ST8SIA5: variants seen among roughly 807,000 people sequenced by gnomAD.
ST8SIA5 encodes the protein alpha-2,8-sialyltransferase 8E.
In ST8SIA5, 24 loss-of-function variants were observed where a neutral mutation model predicts 40.2. That is an observed-to-expected ratio of 0.60 (90% CI 0.43 to 0.84). ST8SIA5 has a LOEUF of 0.84. Ranked by LOEUF, ST8SIA5 falls within the 40% of genes least tolerant of loss-of-function variation. The pLI is 0.00. For synonymous variants in ST8SIA5, 198 were observed against 201.8 expected (o/e 0.98, Z 0.16); for missense variants, 465 against 498.5 (o/e 0.93, Z 0.64).
At chr18:46,739,829 G>C (rs1357910991) in intron 1 of ST8SIA5, among the ~76,000 whole-genome samples, 1 of 152,144 alleles carries the variant, frequency 6.6e-6, no homozygotes, top group African/African-American at 2.4e-5. Flanking sequence ...GAGCCACCTT[G>C]CTCAAGGTTA....
At position 46,682,058 on chromosome 18, in the gene ST8SIA5, G is replaced by C; in HGVS notation, c.576C>G (p.Asn192Lys). 1.2e-6 allele frequency: 2 copies of C among 1,607,016 alleles called. No individual in the cohort carries two copies. Among genetic ancestry groups the C allele is most frequent in the Non-Finnish European group, 1.7e-6 (2 of 1,177,144 alleles). ...INSADFVFRC[N>K]LPPISEKYTM... ...TGTACTTCTCTGAGATGGGGGGCAG[G>C]TTGCACCTGCAGAAGAGAAAAGGCA... Residue 192 changes from asparagine to lysine, a missense_variant, in exon 6 of 7, where the codon AAC (asparagine) becomes AAG (lysine). By Grantham distance (94) the Asn-to-Lys change is moderately conservative (BLOSUM62 0). Transcript: ENST00000315087.
chr18:46,709,287 C>T (rs955804526), intron 1 of ST8SIA5, among the ~76,000 whole-genome samples: 3 of 152,224 alleles, frequency 2.0e-5, no homozygotes, highest in African/African-American at 7.2e-5. Flanking sequence ...TGCCTTTCCA[C>T]CATGTGAGGA....
In ST8SIA5 at chr18:46,675,580, T is replaced by A. The variant is rs988696920; in HGVS notation, c.*4462A>T. On this transcript the variant is annotated 3_prime_UTR_variant, in exon 7 of 7. Coordinates refer to ENST00000315087, the MANE Select transcript of ST8SIA5 (RefSeq NM_013305.6). ...GGGGTTAAGATGCCAGGGCAGAAGATACTTAAGGCTTTGAATAGATGAGAT... is the reference window on the plus strand; with the variant it reads ...GGGGTTAAGATGCCAGGGCAGAAGAAACTTAAGGCTTTGAATAGATGAGAT... 2 of 152,104 alleles carry A rather than the reference T, an allele frequency of 1.3e-5. No individual in the cohort carries two copies. The highest frequency in any genetic ancestry group is 2.9e-5 in the Non-Finnish European group (2 of 68,036). The allele number at this position is 152,104 out of a possible 1,614,324, so 9.4% of individuals were successfully genotyped here.
At chr18:46,683,171 C>T (rs187977048) in intron 5 of ST8SIA5, among the ~76,000 whole-genome samples, 2 of 152,172 alleles carry the variant, frequency 1.3e-5, no homozygotes, top group African/African-American at 4.8e-5. Context: ...TTCAAGGTAG[C>T]GATACCTTCA....
In ST8SIA5 at chr18:46,671,459, G is replaced by A. The variant is rs965258802; in HGVS notation, c.*8583C>T. 1 of 152,360 alleles carries A rather than the reference G, an allele frequency of 6.6e-6. No homozygotes were observed. Among genetic ancestry groups the A allele is most frequent in the Non-Finnish European group, 1.5e-5 (1 of 68,206 alleles). The allele number at this position is 152,360 out of a possible 1,614,324, so 9.4% of individuals were successfully genotyped here. ...AGATGTGGAGGTGGGCAGAGGGCTG[G>A]GTCTGCATCAGAAAACCAGGCTTTC... On this transcript the variant is annotated 3_prime_UTR_variant, in exon 7 of 7. Transcript: ENST00000315087.
chr18:46,724,415 G>A (rs1238196144), intron 1 of ST8SIA5, among the ~76,000 whole-genome samples: 3 of 152,264 alleles, frequency 2.0e-5, no homozygotes, highest in African/African-American at 4.8e-5. Context: ...ACAGGGCAGA[G>A]GCCGAAGCCA....
At chr18:46,751,629 T>C (rs2040196583) in intron 1 of ST8SIA5, among the ~76,000 whole-genome samples, 1 of 152,110 alleles carries the variant, frequency 6.6e-6, no homozygotes. Context: ...ACCCCTGACC[T>C]CATGATCCAC....
intron 5 of ST8SIA5, among the ~76,000 whole-genome samples, chr18:46,684,163 A>G (rs926144578): frequency 6.6e-6 from 1 of 152,140 alleles, no homozygotes; most frequent in African/African-American, 2.4e-5. Flanking sequence ...ACAGATCTTA[A>G]CAGATCTTAG....
chr18:46,749,060 T>C (rs1007380642), intron 1 of ST8SIA5, among the ~76,000 whole-genome samples: 1 of 152,246 alleles, frequency 6.6e-6, no homozygotes, highest in African/African-American at 2.4e-5. Context: ...TGATATGACA[T>C]GGATGAACCT....
At chr18:46,691,260 G>A (rs781121224) in intron 3 of ST8SIA5, among the ~76,000 whole-genome samples, 16 of 152,292 alleles carry the variant, frequency 1.1e-4, no homozygotes, top group Non-Finnish European at 2.2e-4. Context: ...TTAAACATTC[G>A]CATTTCTAAA....
chr18:46,748,868 T>C (rs1322028637), intron 1 of ST8SIA5, among the ~76,000 whole-genome samples: 2 of 152,176 alleles, frequency 1.3e-5, no homozygotes, highest in Non-Finnish European at 2.9e-5. Flanking sequence ...AGTTACCATA[T>C]AACCAGTTCT....
At chr18:46,742,396 G>A (rs1424969127) in intron 1 of ST8SIA5, among the ~76,000 whole-genome samples, 1 of 149,200 alleles carries the variant, frequency 6.7e-6, no homozygotes, top group Admixed American at 6.7e-5. Flanking sequence ...TGGTTCCTTA[G>A]ATATGACACC....
intron 1 of ST8SIA5, among the ~76,000 whole-genome samples, chr18:46,713,191 G>C (rs1397140114): frequency 1.3e-5 from 2 of 152,206 alleles, no homozygotes; most frequent in African/African-American, 4.8e-5. Flanking sequence ...ATTGCACTAA[G>C]GGGTGGCAAA....
chr18:46,692,186 A>G lies in ST8SIA5; in HGVS notation c.294T>C (p.Ser98=). Residue 98 remains serine, a synonymous_variant, in exon 3 of 7, where the codon TCT becomes TCC. Coordinates refer to ENST00000315087, the MANE Select transcript of ST8SIA5 (RefSeq NM_013305.6). ...LQMCKWAMNI[S]EANQFKSTLS... is the part of the protein sequence containing the mutation. ...ATAGATACTTGAACTGGTTGGCCTC[A>G]GAGATGTTCATCGCCCATTTGCACA... The G allele has an allele frequency of 1.2e-6, 2 of 1,614,150 alleles. No homozygotes were observed. Among genetic ancestry groups the G allele is most frequent in the Non-Finnish European group, 1.7e-6 (2 of 1,180,020 alleles).
chr18:46,694,896 C>T (rs144382675), intron 2 of ST8SIA5, among the ~76,000 whole-genome samples: 4,242 of 151,814 alleles, frequency 0.028, 84 homozygotes, highest in Non-Finnish European at 0.042. Flanking sequence ...CAGTGGCTCA[C>T]GTCTCTAATC....
chr18:46,683,970 C>G (rs1321880987), intron 5 of ST8SIA5, among the ~76,000 whole-genome samples: 1 of 152,164 alleles, frequency 6.6e-6, no homozygotes, highest in Non-Finnish European at 1.5e-5. Context: ...GCCTAGGTCT[C>G]GTTCCTAGTG....
At chr18:46,697,536 C>CA (rs919122823) in intron 2 of ST8SIA5, among the ~76,000 whole-genome samples, 3 of 152,064 alleles carry the variant, frequency 2.0e-5, no homozygotes, top group African/African-American at 4.8e-5. Flanking sequence ...CCCATCTCTA[C>CA]AAAAAAATGT....
In ST8SIA5 at chr18:46,703,229, T is replaced by C. The variant is rs1395493926; in HGVS notation, c.224+1343A>G. On this transcript the variant is annotated intron_variant, in intron 2 of 6. Transcript: ENST00000315087. ...GACGTGATCTCGGCTCACTGCAAGC[T>C]CCACCTCCTGGGTTCACGCCATTCT... is the stretch of plus-strand genomic sequence containing the variant. Among the ~76,000 whole-genome samples the C allele has an allele frequency of 3.3e-5, 5 of 152,200 alleles. No individual in the cohort carries two copies. In the East Asian group the frequency reaches 9.7e-4, roughly 29 times the overall value.
At chr18:46,736,659 G>C (rs1274057655) in intron 1 of ST8SIA5, among the ~76,000 whole-genome samples, 1 of 152,160 alleles carries the variant, frequency 6.6e-6, no homozygotes, top group African/African-American at 2.4e-5. Flanking sequence ...GATCTGCTGA[G>C]GAAGAATGGG....
Sources: allele counts gnomAD v4.1 joint callset (sites outside exome capture counted in the v4.1 genomes callset), GRCh38; gene constraint gnomAD v4.1.1; transcripts MANE v1.5; gene names NCBI Gene and HGNC (gene_info 2026-07-23, HGNC 2026-07-21).